Variants in DCHS2 observed in about 807,000 individuals in gnomAD.
DCHS2 encodes protocadherin-23.
Under a neutral mutation model 182.4 loss-of-function variants are expected in DCHS2, and 142 were observed. The observed-to-expected ratio is 0.78, with a 90% CI of 0.68 to 0.89. The LOEUF (loss-of-function observed/expected upper bound fraction) is 0.89. Among genes scored for constraint, DCHS2 ranks in the 40% least tolerant of loss-of-function variants. The pLI, the probability that DCHS2 is intolerant of heterozygous loss-of-function variation, is 0.00. For synonymous variants in DCHS2, 1,740 were observed against 1,663.3 expected, an observed-to-expected ratio of 1.05 and a Z score of -1.12; for missense variants, 4,319 against 4,198.6, an observed-to-expected ratio of 1.03 and a Z score of -0.79.
intron 7 of DCHS2, among the ~76,000 whole-genome samples, chr4:154,323,668 G>A (rs561081116): frequency 5.3e-5 from 8 of 152,146 alleles, no homozygotes; most frequent in Non-Finnish European, 8.8e-5. Context: ...AAAACTCTAC[G>A]CCTGATTCAT....
intron 6 of DCHS2, among the ~76,000 whole-genome samples, chr4:154,328,563 A>G (rs1341532442): frequency 6.6e-6 from 1 of 152,194 alleles, no homozygotes; most frequent in African/African-American, 2.4e-5. Context: ...GGCTTAAAAT[A>G]TGCTTAAAAT....
intron 4 of DCHS2, 96 bp from the exon 5 acceptor site, chr4:154,333,590 A>G (rs1422988762): frequency 1.1e-5 from 13 of 1,155,990 alleles, no homozygotes; most frequent in African/African-American, 1.6e-5. Flanking sequence ...CCACTGCCTA[A>G]TGACACTTCA....
chr4:154,242,112 C>T (rs1457648464), intron 17 of DCHS2, among the ~76,000 whole-genome samples: 1 of 152,018 alleles, frequency 6.6e-6, no homozygotes, highest in African/African-American at 2.4e-5. Context: ...ACCCACAGAC[C>T]CAAATAATGA....
intron 2 of DCHS2, among the ~76,000 whole-genome samples, chr4:154,373,320 C>T (rs760862970): frequency 6.6e-6 from 1 of 152,032 alleles, no homozygotes; most frequent in African/African-American, 2.4e-5. Context: ...ATGATAGATG[C>T]AGAAGTCACC....
rs1424941572 is a variant in DCHS2 at position 154,490,924 on chromosome 4, G to T, written c.432C>A (p.Ala144=). 3 of 1,551,182 alleles carry T rather than the reference G, an allele frequency of 1.9e-6. No individual in the cohort carries two copies. The highest frequency in any genetic ancestry group is 2.6e-6 in the Non-Finnish European group (3 of 1,146,884). Residue 144 remains alanine, a synonymous_variant, in exon 1 of 20, where the codon GCC becomes GCA. Transcript: ENST00000357232. ...ERRDHYSFVA[A]TLLGAVVQVE... is the part of the protein sequence containing the mutation. ...CCTGCACCACAGCGCCCAGCAGCGT[G>T]GCGGCGACGAAGCTGTAGTGGTCCC...
chr4:154,253,500 A>G (rs538805636), intron 16 of DCHS2, among the ~76,000 whole-genome samples: 1 of 152,306 alleles, frequency 6.6e-6, no homozygotes, highest in South Asian at 2.1e-4. Context: ...ACCTTTAATA[A>G]TTCCTGAATT....
At chr4:154,319,872 G>C (rs1735990397) in intron 9 of DCHS2, among the ~76,000 whole-genome samples, 1 of 152,132 alleles carries the variant, frequency 6.6e-6, no homozygotes, top group African/African-American at 2.4e-5. Flanking sequence ...ATCTTGAAGA[G>C]AGAGTAACAC....
At chr4:154,374,194 C>T in intron 2 of DCHS2, 1 of 491,922 alleles carries the variant, frequency 2.0e-6, no homozygotes, top group Non-Finnish European at 3.6e-6. Context: ...TCCTGATGGA[C>T]AGCAGTTCTA....
At chr4:154,302,954 C>T in intron 12 of DCHS2, among the ~76,000 whole-genome samples, 3 of 68,774 alleles carry the variant, frequency 4.4e-5, no homozygotes, top group African/African-American at 3.0e-4. Flanking sequence ...CACACACACA[C>T]ACACACACAC....
intron 13 of DCHS2, among the ~76,000 whole-genome samples, chr4:154,280,480 T>C (rs1734078263): frequency 6.6e-6 from 1 of 152,080 alleles, no homozygotes; most frequent in Non-Finnish European, 1.5e-5. Context: ...ATCAATAAAA[T>C]ACTAGCAAAC....
At chr4:154,333,746 G>A in intron 4 of DCHS2, 1 of 473,644 alleles carries the variant, frequency 2.1e-6, no homozygotes, top group Non-Finnish European at 3.8e-6. Context: ...TGCTGTGCAG[G>A]TTTGTAGCCT....
chr4:154,470,231 A>G (rs1735403460), intron 1 of DCHS2, among the ~76,000 whole-genome samples: 1 of 152,160 alleles, frequency 6.6e-6, no homozygotes, highest in East Asian at 1.9e-4. Flanking sequence ...TAATTCCAGC[A>G]CTTTGGGAGG....
chr4:154,373,537 G>A (rs1047775344), intron 2 of DCHS2, among the ~76,000 whole-genome samples: 3 of 152,178 alleles, frequency 2.0e-5, no homozygotes, highest in Non-Finnish European at 4.4e-5. Context: ...AGGAATGCTG[G>A]AGGCAGTTTT....
At chr4:154,444,958 G>A (rs933649918) in intron 1 of DCHS2, among the ~76,000 whole-genome samples, 2 of 152,110 alleles carry the variant, frequency 1.3e-5, no homozygotes, top group Non-Finnish European at 2.9e-5. Flanking sequence ...CTACCTAGAC[G>A]ACTGGTCCCA....
At chr4:154,376,494 A>C (rs891477409) in intron 2 of DCHS2, among the ~76,000 whole-genome samples, 12 of 152,190 alleles carry the variant, frequency 7.9e-5, no homozygotes, top group Middle Eastern at 3.2e-3. Context: ...ATCAAGCCTT[A>C]TCCTGCAATT....
intron 19 of DCHS2, 61 bp from the exon 20 acceptor site, chr4:154,237,220 C>T (rs955130677): frequency 1.7e-5 from 26 of 1,512,940 alleles, no homozygotes; most frequent in Admixed American, 6.3e-5. Context: ...TCCATTTAAT[C>T]GGCAGTTGAC....
chr4:154,239,242 A>T lies in DCHS2; in HGVS notation c.7420T>A (p.Leu2474Ile). ...TAAGAAATGTTCTCATTGCTTTCTA[A>T]GTCTGTGGCTGACAGAGTCAGCACT... ...YSVLTLSATD[L>I]ESNENISYRI... The change falls in exon 19 of 20, where the codon TTA (leucine) becomes ATA (isoleucine). Residue 2474 changes from leucine to isoleucine, a missense_variant. Physicochemically the swap from Leu to Ile is conservative, Grantham distance 5. Transcript: ENST00000357232. 1 of 1,613,596 alleles carries T rather than the reference A, an allele frequency of 6.2e-7. No homozygotes were observed. The highest frequency in any genetic ancestry group is 8.5e-7 in the Non-Finnish European group (1 of 1,179,728).
chr4:154,417,383 A>G (rs1400150639), intron 1 of DCHS2, among the ~76,000 whole-genome samples: 1 of 152,056 alleles, frequency 6.6e-6, no homozygotes, highest in Non-Finnish European at 1.5e-5. Flanking sequence ...AAATTCAAGA[A>G]CTATTTCCAT....
In DCHS2 at chr4:154,253,134, A is replaced by G. The variant is rs1732466341; in HGVS notation, c.6941+2385T>C. On this transcript the variant is annotated intron_variant, in intron 16 of 19. Coordinates refer to ENST00000357232, the MANE Select transcript of DCHS2 (RefSeq NM_001358235.2). ...GGGTGTGGGGAGAGCCCAGGGAGGA[A>G]GGAGGTTTAAAATAATTCCTTGCCT... Among the ~76,000 whole-genome samples, 3 of 150,644 alleles carry G rather than the reference A, an allele frequency of 2.0e-5. No homozygotes were observed. The South Asian group carries it at 6.3e-4, about 32-fold the overall frequency.
Sources: allele counts gnomAD v4.1 joint callset (sites outside exome capture counted in the v4.1 genomes callset), GRCh38; gene constraint gnomAD v4.1.1; transcripts MANE v1.5; gene names NCBI Gene and HGNC (gene_info 2026-07-23, HGNC 2026-07-21).